PRKG1: variants seen among roughly 807,000 people sequenced by gnomAD.
The protein encoded by PRKG1 is protein kinase cGMP-dependent 1.
Under a neutral mutation model 88.1 loss-of-function variants are expected in PRKG1, and 35 were observed. The observed-to-expected ratio is 0.40, with a 90% CI of 0.30 to 0.53. The LOEUF (loss-of-function observed/expected upper bound fraction) is 0.53. Ranked by LOEUF, PRKG1 falls within the 20% of genes least tolerant of loss-of-function variation. The probability of loss-of-function intolerance (pLI) is 0.59; values close to 1 mark genes in which losing one functional copy is unlikely to be tolerated. For synonymous variants in PRKG1, 303 were observed against 292.5 expected, an observed-to-expected ratio of 1.04 and a Z score of -0.37; for missense variants, 540 against 839.8, an observed-to-expected ratio of 0.64 and a Z score of 4.41.
At chr10:51,736,535 A>G (rs1369187959) in intron 3 of PRKG1, among the ~76,000 whole-genome samples, 2 of 151,740 alleles carry the variant, frequency 1.3e-5, no homozygotes, top group Non-Finnish European at 2.9e-5. Flanking sequence ...AGATTTTACC[A>G]CTGACATTTT....
chr10:51,984,164 G>A (rs1266279218), intron 5 of PRKG1, among the ~76,000 whole-genome samples: 1 of 152,142 alleles, frequency 6.6e-6, no homozygotes, highest in Non-Finnish European at 1.5e-5. Context: ...TTCTCTGTGA[G>A]GCATGTTACA....
chr10:51,850,935 T>A (rs1037116879), intron 4 of PRKG1, among the ~76,000 whole-genome samples: 1 of 152,154 alleles, frequency 6.6e-6, no homozygotes, highest in Admixed American at 6.6e-5. Context: ...AGATCCCAAA[T>A]GCTTTATAGG....
rs541291902 is a variant in PRKG1, at chr10:52,260,205, C to T, written c.1173+8539C>T. On this transcript the variant is annotated intron_variant, in intron 10 of 17. Transcript: ENST00000373980. ...AGCTTTAGGGGGTACAAATGGTTTT[C>T]GGCTACATGGATGAATTGTATCGTT... 3.4e-4 allele frequency among the ~76,000 whole-genome samples: 52 copies of T among 152,002 alleles called. 1 individual carries two copies. Among genetic ancestry groups the T allele is most frequent in the African/African-American group, 1.2e-3 (48 of 41,492 alleles).
intron 3 of PRKG1, among the ~76,000 whole-genome samples, chr10:51,606,036 A>G (rs560227983): frequency 1.3e-5 from 2 of 152,184 alleles, no homozygotes; most frequent in Non-Finnish European, 2.9e-5. Context: ...CTTTAAAAAA[A>G]TTTATCATTT....
At chr10:51,175,557 C>T (rs546885027) in intron 2 of PRKG1, among the ~76,000 whole-genome samples, 10 of 151,886 alleles carry the variant, frequency 6.6e-5, no homozygotes, top group Non-Finnish European at 1.5e-4. Flanking sequence ...AACATAAAAC[C>T]TCATTCAAAT....
chr10:52,272,535 G>T, intron 12 of PRKG1, 54 bp downstream of exon 12: 1 of 1,246,330 alleles, frequency 8.0e-7, no homozygotes, highest in Non-Finnish European at 1.2e-6. Context: ...GCCCATGTTG[G>T]TCTATAAGAA....
chr10:51,768,902 C>T (rs1838236818), intron 3 of PRKG1, among the ~76,000 whole-genome samples: 1 of 152,074 alleles, frequency 6.6e-6, no homozygotes, highest in South Asian at 2.1e-4. Context: ...ATGTAACCCA[C>T]CCTGACTATT....
rs1839258887 is a variant in PRKG1, at chr10:51,804,672, A to G, written c.680A>G (p.Tyr227Cys). The G allele has an allele frequency of 6.3e-7, 1 of 1,582,304 alleles. No homozygotes were observed. The highest frequency in any genetic ancestry group is 1.1e-5 in the South Asian group (1 of 90,070). ...ACAGGACTCATCAAGCATACCGAGTATATGGAATTTTTAAAAAGGTAGGAT... is the reference window on the plus strand; with the variant it reads ...ACAGGACTCATCAAGCATACCGAGTGTATGGAATTTTTAAAAAGGTAGGAT... ...MRTGLIKHTEYMEFLKSVPTF... is the reference protein window; with the variant it reads ...MRTGLIKHTECMEFLKSVPTF... The change falls in exon 4 of 18, where the codon TAT becomes TGT. Residue 227 changes from tyrosine to cysteine, a missense_variant. Physicochemically the swap from Tyr to Cys is radical, Grantham distance 194. Coordinates refer to ENST00000373980, the MANE Select transcript of PRKG1 (RefSeq NM_006258.4).
intron 3 of PRKG1, among the ~76,000 whole-genome samples, chr10:51,573,843 T>C (rs1301811517): frequency 2.6e-5 from 4 of 151,888 alleles, no homozygotes; most frequent in Non-Finnish European, 5.9e-5. Context: ...AGAAATTGTT[T>C]GTATATAAGC....
intron 5 of PRKG1, among the ~76,000 whole-genome samples, chr10:52,050,034 T>C (rs1845948932): frequency 6.8e-6 from 1 of 147,560 alleles, no homozygotes. Flanking sequence ...AGAATGTGTG[T>C]GTGTGAGAGA....
At chr10:51,050,171 T>TATTTAAC (rs1843543979) in intron 1 of PRKG1, among the ~76,000 whole-genome samples, 1 of 151,726 alleles carries the variant, frequency 6.6e-6, no homozygotes, top group Non-Finnish European at 1.5e-5. Context: ...GTGATAAGGA[T>TATTTAAC]ATTTAACATA....
At chr10:51,852,228 T>TATATATATATATAC (rs967267602) in intron 4 of PRKG1, among the ~76,000 whole-genome samples, 1 of 148,564 alleles carries the variant, frequency 6.7e-6, no homozygotes, top group African/African-American at 2.5e-5. Flanking sequence ...TATATATATA[T>TATATATATATATAC]ACACACACAC....
chr10:51,698,304 G>A, intron 3 of PRKG1: 3 of 1,614,052 alleles, frequency 1.9e-6, no homozygotes, highest in Non-Finnish European at 2.5e-6. Context: ...TCCATCGCTC[G>A]AGAATCTCTA....
intron 14 of PRKG1, among the ~76,000 whole-genome samples, chr10:52,284,752 C>T (rs1320407173): frequency 6.6e-6 from 1 of 151,970 alleles, no homozygotes; most frequent in Non-Finnish European, 1.5e-5. Flanking sequence ...TAATTAAGCA[C>T]TACAGAATGA....
intron 2 of PRKG1, among the ~76,000 whole-genome samples, chr10:51,324,713 C>G (rs1841543848): frequency 6.6e-6 from 1 of 152,328 alleles, no homozygotes; most frequent in African/African-American, 2.4e-5. Context: ...TGCACTCCAG[C>G]CTGGGCGACT....
intron 3 of PRKG1, among the ~76,000 whole-genome samples, chr10:51,615,420 G>A (rs193095907): frequency 6.6e-6 from 1 of 152,142 alleles, no homozygotes; most frequent in Admixed American, 6.5e-5. Flanking sequence ...GAGTAATTCA[G>A]TTTTCTATCC....
At chr10:51,955,261 C>T (rs985289713) in intron 5 of PRKG1, among the ~76,000 whole-genome samples, 2 of 152,098 alleles carry the variant, frequency 1.3e-5, no homozygotes, top group Non-Finnish European at 2.9e-5. Flanking sequence ...GGAAAACCAG[C>T]AAACCTGCCC....
At chr10:52,105,596 AT>A (rs1232860674) in intron 7 of PRKG1, among the ~76,000 whole-genome samples, 4 of 150,690 alleles carry the variant, frequency 2.7e-5, no homozygotes, top group African/African-American at 4.9e-5. Flanking sequence ...ACTTTTATTT[AT>A]TTTTTTTCAA....
chr10:51,635,681 C>T (rs1280155757), intron 3 of PRKG1, among the ~76,000 whole-genome samples: 1 of 152,138 alleles, frequency 6.6e-6, no homozygotes, highest in Non-Finnish European at 1.5e-5. Flanking sequence ...ATTGCTTTAA[C>T]ACATGATTTC....
Sources: allele counts gnomAD v4.1 joint callset (sites outside exome capture counted in the v4.1 genomes callset), GRCh38; gene constraint gnomAD v4.1.1; transcripts MANE v1.5; gene names NCBI Gene and HGNC (gene_info 2026-07-23, HGNC 2026-07-21).